Variants in USP34 observed in about 807,000 individuals in gnomAD.
USP34 encodes the protein ubiquitin carboxyl-terminal hydrolase 34.
A neutral mutation model predicts 460.3 loss-of-function variants in USP34; 70 were observed. The observed-to-expected ratio is 0.15, with a 90% CI of 0.13 to 0.19. The LOEUF is 0.19. USP34 is among the 10% of genes least tolerant of loss of function. The pLI, the probability that USP34 is intolerant of heterozygous loss-of-function variation, is 1.00. For synonymous variants in USP34, 1,647 were observed against 1,405.3 expected (o/e 1.17, Z -3.85); for missense variants, 3,985 against 4,236.2 (o/e 0.94, Z 1.65).
chr2:61,396,780 G>C (rs865922002), intron 3 of USP34, among the ~76,000 whole-genome samples: 1 of 152,054 alleles, frequency 6.6e-6, no homozygotes, highest in African/African-American at 2.4e-5. Context: ...GAGCCACCTC[G>C]CCCAGTCCTA....
chr2:61,214,165 C>T lies in USP34; in HGVS notation c.8577G>A (p.Arg2859=). ...ATGCAGGAGACTGCTCACAGCAGAG[C>T]CTCAGAATGCCATAGTACGCTGGCA... The part of the protein sequence containing the change: ...GMLPAYYGIL[R]LCCEQSPAFT... The change falls in exon 68 of 80, where the codon AGG becomes AGA. Residue 2859 remains arginine (R), a synonymous_variant. Coordinates refer to ENST00000398571, the MANE Select transcript of USP34 (RefSeq NM_014709.4). 6.2e-7 allele frequency: 1 copy of T among 1,614,196 alleles called. No individual in the cohort carries two copies. The highest frequency in any genetic ancestry group is 8.5e-7 in the Non-Finnish European group (1 of 1,180,026).
intron 27 of USP34, among the ~76,000 whole-genome samples, chr2:61,310,190 C>T (rs748325418): frequency 1.3e-5 from 2 of 152,104 alleles, no homozygotes; most frequent in Non-Finnish European, 2.9e-5. Context: ...ATACACTCTA[C>T]GCACAATATA....
chr2:61,470,612 A>C, intron 1 of USP34, 38 bp downstream of exon 1: 2 of 1,487,002 alleles, frequency 1.3e-6, no homozygotes, highest in Middle Eastern at 3.5e-4. Context: ...AGGACCCCAA[A>C]CCGTGCACCC....
chr2:61,365,122 C>T (rs1240457506), intron 10 of USP34, among the ~76,000 whole-genome samples: 2 of 151,610 alleles, frequency 1.3e-5, no homozygotes, highest in African/African-American at 2.4e-5. Flanking sequence ...CATGGAGGTG[C>T]GCGCCTATAA....
At chr2:61,380,133 T>A in intron 7 of USP34, 36 bp downstream of exon 7, 1 of 1,583,466 alleles carries the variant, frequency 6.3e-7, no homozygotes, top group South Asian at 1.1e-5. Flanking sequence ...AGAAAACAAA[T>A]AAACGATGAC....
chr2:61,251,070 G>A (rs566864384), intron 48 of USP34, among the ~76,000 whole-genome samples: 11 of 152,170 alleles, frequency 7.2e-5, no homozygotes, highest in East Asian at 5.8e-4. Context: ...CCCGGGAGGC[G>A]GAGCTGGCAG....
At chr2:61,420,565 T>A (rs180838063) in intron 2 of USP34, among the ~76,000 whole-genome samples, 181 bp downstream of exon 2, 1 of 152,196 alleles carries the variant, frequency 6.6e-6, no homozygotes, top group African/African-American at 2.4e-5. Context: ...TTTATGCCCA[T>A]GTTTTAAAAA....
chr2:61,352,166 C>T (rs1691960079), intron 10 of USP34, among the ~76,000 whole-genome samples: 1 of 152,066 alleles, frequency 6.6e-6, no homozygotes, highest in South Asian at 2.1e-4. Flanking sequence ...GCACTCAGAT[C>T]TCAAACTTTG....
At chr2:61,289,277 T>C (rs967789281) in intron 33 of USP34, among the ~76,000 whole-genome samples, 3 of 152,174 alleles carry the variant, frequency 2.0e-5, no homozygotes, top group Non-Finnish European at 2.9e-5. Context: ...TTATATGCTG[T>C]GTCTCCCAAC....
At chr2:61,323,769 ATGTG>A (rs1258943089) in intron 21 of USP34, among the ~76,000 whole-genome samples, 1 of 152,152 alleles carries the variant, frequency 6.6e-6, no homozygotes, top group Non-Finnish European at 1.5e-5. Context: ...TGTTGACTAT[ATGTG>A]TTTTAGTTTG....
intron 27 of USP34, 26 bp from the exon 28 acceptor site, chr2:61,301,480 G>A: frequency 6.3e-7 from 1 of 1,591,898 alleles, no homozygotes; most frequent in Non-Finnish European, 8.6e-7. Flanking sequence ...ACATGGAAAT[G>A]AATTTGTTTT....
At chr2:61,233,799 T>C (rs1456829578) in intron 57 of USP34, among the ~76,000 whole-genome samples, 1 of 150,898 alleles carries the variant, frequency 6.6e-6, no homozygotes, top group Admixed American at 6.6e-5. Flanking sequence ...TGTGCACCAC[T>C]GCATTCAACA....
chr2:61,436,717 C>T (rs1212006718), intron 1 of USP34, among the ~76,000 whole-genome samples: 1 of 152,172 alleles, frequency 6.6e-6, no homozygotes, highest in Admixed American at 6.5e-5. Context: ...AACATTTCAC[C>T]TAATAGCAGC....
At chr2:61,442,345 A>T (rs906207839) in intron 1 of USP34, among the ~76,000 whole-genome samples, 2 of 152,052 alleles carry the variant, frequency 1.3e-5, no homozygotes, top group African/African-American at 4.8e-5. Context: ...AACTATACGC[A>T]AATTACTCAT....
chr2:61,243,025 T>C (rs1231749016), intron 51 of USP34, among the ~76,000 whole-genome samples: 2 of 151,886 alleles, frequency 1.3e-5, no homozygotes, highest in East Asian at 3.9e-4. Context: ...TGCGTGTTTT[T>C]AGTAGACATG....
In USP34 at chr2:61,187,909, G is replaced by C; in HGVS notation, c.*193C>G. The stretch of plus-strand genomic sequence containing the variant: ...TATCCATTATCTGATTGCCCTTTAG[G>C]AAGTATACTGAAGATGCAAGTTTTT... On this transcript the variant is annotated 3_prime_UTR_variant, in exon 80 of 80. Coordinates refer to ENST00000398571, the MANE Select transcript of USP34 (RefSeq NM_014709.4). 7.1e-7 allele frequency: 1 copy of C among 1,416,648 alleles called. No homozygotes were observed. Among genetic ancestry groups the C allele is most frequent in the Non-Finnish European group, 9.2e-7 (1 of 1,082,644 alleles). 87.8% of individuals were successfully genotyped at this position (1,416,648 alleles called of 1,614,324 possible).
In USP34 at chr2:61,245,211, G is replaced by A. The variant is rs1255001336; in HGVS notation, c.6626C>T (p.Thr2209Met). 10 of 1,608,468 alleles carry A rather than the reference G, an allele frequency of 6.2e-6. No homozygotes were observed. The highest frequency in any genetic ancestry group is 2.2e-5 in the East Asian group (1 of 44,718). ...TTATAATTTCTGAATAAAACTTACC[G>A]TCATCTCTCCACCAAAACATTCAGA... ...LASECFGGEM[T>M]TKTYDSVTDK... Residue 2209 changes from threonine to methionine, a missense_variant and splice_region_variant, in exon 51 of 80, where the codon ACG becomes ATG. Transcript: ENST00000398571.
chr2:61,378,649 T>C (rs950709254), intron 7 of USP34, among the ~76,000 whole-genome samples: 1 of 152,118 alleles, frequency 6.6e-6, no homozygotes, highest in Non-Finnish European at 1.5e-5. Context: ...CTCACACCTG[T>C]AATCCCAGCA....
chr2:61,221,495 G>A lies in USP34; in HGVS notation c.7899+7C>T. On this transcript the variant is annotated splice_region_variant and intron_variant, in intron 66 of 79. Transcript: ENST00000398571. ...TAAACATTGAAAACACCTGCTGCAAGACTTACCTCCCATATCCTCTGCAGA... is the reference window on the plus strand; with the variant it reads ...TAAACATTGAAAACACCTGCTGCAAAACTTACCTCCCATATCCTCTGCAGA... 1 of 1,608,718 alleles carries A rather than the reference G, an allele frequency of 6.2e-7. No homozygotes were observed.
Sources: allele counts gnomAD v4.1 joint callset (sites outside exome capture counted in the v4.1 genomes callset), GRCh38; gene constraint gnomAD v4.1.1; transcripts MANE v1.5; gene names NCBI Gene and HGNC (gene_info 2026-07-23, HGNC 2026-07-21).